PPP1R12C: variants seen among roughly 807,000 people sequenced by gnomAD.
PPP1R12C encodes the protein protein phosphatase 1 regulatory subunit 12C.
A neutral mutation model predicts 95.6 loss-of-function variants in PPP1R12C; 48 were observed. The ratio of observed to expected loss-of-function variants is 0.50; its 90% CI spans 0.40 to 0.64. The LOEUF (loss-of-function observed/expected upper bound fraction) is 0.64, where lower values mean the gene tolerates loss of function less well. PPP1R12C is among the 30% of genes least tolerant of loss of function. PPP1R12C has a pLI of 0.00. For synonymous variants in PPP1R12C, 480 were observed against 460.8 expected (o/e 1.04, Z -0.53); for missense variants, 1,057 against 1,083.3 (o/e 0.98, Z 0.34).
At chr19:55,111,642 G>C (rs1051943799) in intron 3 of PPP1R12C, 1 of 151,946 alleles carries the variant, frequency 6.6e-6, no homozygotes, top group Non-Finnish European at 1.5e-5. Context: ...GCCCCGTCAG[G>C]ACAGCCGCGT....
At chr19:55,094,890 T>C in intron 11 of PPP1R12C, 92 bp from the exon 12 acceptor site, 1 of 1,406,606 alleles carries the variant, frequency 7.1e-7, no homozygotes, top group Non-Finnish European at 9.7e-7. Context: ...ACAAATTATC[T>C]GGGCCACAAC....
At chr19:55,100,780 T>C (rs2084971694) in intron 4 of PPP1R12C, among the ~76,000 whole-genome samples, 1 of 151,868 alleles carries the variant, frequency 6.6e-6, no homozygotes, top group Non-Finnish European at 1.5e-5. Context: ...GCCCAGCTAA[T>C]TTTTTGTATT....
chr19:55,103,353 A>C, intron 4 of PPP1R12C, 56 bp downstream of exon 4: 1 of 1,352,044 alleles, frequency 7.4e-7, no homozygotes, highest in Non-Finnish European at 9.7e-7. Context: ...AAGGGAAAGG[A>C]CAAGATCCAC....
At chr19:55,113,387 C>T (rs754976448) in intron 1 of PPP1R12C, 3 of 1,463,190 alleles carry the variant, frequency 2.1e-6, no homozygotes, top group Non-Finnish European at 1.8e-6. Flanking sequence ...GAGACAGCTG[C>T]ACACCTGTGT....
intron 16 of PPP1R12C, 29 bp downstream of exon 16, chr19:55,092,754 A>C (rs1174164706): frequency 9.1e-6 from 14 of 1,536,180 alleles, no homozygotes; most frequent in African/African-American, 1.4e-5. Context: ...CACCCTCTGC[A>C]CCAGCTCGGC....
Position 55,091,634 on chromosome 19 carries a change from C to T in PPP1R12C, c.2262+16G>A. 6.2e-7 allele frequency: 1 copy of T among 1,607,302 alleles called. No homozygotes were observed. The highest frequency in any genetic ancestry group is 1.3e-5 in the African/African-American group (1 of 74,888). On this transcript the variant is annotated intron_variant, in intron 21 of 21. Transcript: ENST00000263433. ...CCCACCCTCGGCCCTCTGCCCACAG[C>T]CCCCACAGCCCCCACCTTCAGCTCC...
At chr19:55,096,436 C>T in intron 6 of PPP1R12C, 101 bp from the exon 7 acceptor site, 1 of 1,384,426 alleles carries the variant, frequency 7.2e-7, no homozygotes, top group Non-Finnish European at 1.0e-6. Flanking sequence ...CCCAGGCGGG[C>T]ACCGAGGGCT....
At chr19:55,094,509 G>A in intron 12 of PPP1R12C, 74 bp from the exon 13 acceptor site, 1 of 1,599,156 alleles carries the variant, frequency 6.3e-7, no homozygotes, top group Non-Finnish European at 8.5e-7. Flanking sequence ...ACCCTCCGCG[G>A]GAAGCAAGTT....
At chr19:55,098,708 C>A in intron 6 of PPP1R12C, 76 bp downstream of exon 6, 1 of 1,558,570 alleles carries the variant, frequency 6.4e-7, no homozygotes, top group South Asian at 1.1e-5. Flanking sequence ...CGGGGGGGTT[C>A]CCCCTCTGCA....
chr19:55,099,852 C>G (rs574092182), intron 4 of PPP1R12C, among the ~76,000 whole-genome samples: 1 of 152,232 alleles, frequency 6.6e-6, no homozygotes, highest in Non-Finnish European at 1.5e-5. Flanking sequence ...CTCAGCTTAA[C>G]GGTAGGACGT....
intron 4 of PPP1R12C, among the ~76,000 whole-genome samples, chr19:55,101,284 C>T (rs1474119026): frequency 6.6e-6 from 1 of 152,154 alleles, no homozygotes; most frequent in Non-Finnish European, 1.5e-5. Flanking sequence ...GTCAGTAGGT[C>T]TGAGTGTAAA....
rs770735177 is a variant in PPP1R12C at position 55,094,330 on chromosome 19, C to G, written c.1683+15G>C. ...CCCTCAGACCCAGGAGTCCAGACCC[C>G]AGCCCACCCCACACCTGTGTGGACC... On this transcript the variant is annotated intron_variant, in intron 13 of 21. Coordinates refer to ENST00000263433, the MANE Select transcript of PPP1R12C (RefSeq NM_017607.4). 20 of 1,607,366 alleles carry G rather than the reference C, an allele frequency of 1.2e-5. 3 individuals are homozygous for G. Among genetic ancestry groups the G allele is most frequent in the Non-Finnish European group, 1.6e-5 (19 of 1,177,932 alleles).
chr19:55,092,001 C>G, intron 19 of PPP1R12C, 92 bp from the exon 20 acceptor site: 1 of 1,492,332 alleles, frequency 6.7e-7, no homozygotes, highest in Non-Finnish European at 9.3e-7. Context: ...CGCCCGCCCA[C>G]TAGGCAGCCC....
In PPP1R12C at chr19:55,117,511, C is replaced by G; in HGVS notation, c.33G>C (p.Pro11=). MSGEDGPAAG[P]GAAAAAARER... ...CCCGGGCAGCCGCCGCCGCCGCCCC[C>G]GGGCCAGCCGCCGGGCCATCCTCTC... The change falls in exon 1 of 22, where the codon CCG becomes CCC. Residue 11 remains proline, a synonymous_variant. Coordinates refer to ENST00000263433, the MANE Select transcript of PPP1R12C (RefSeq NM_017607.4). 1.9e-6 allele frequency: 2 copies of G among 1,026,584 alleles called. No individual in the cohort carries two copies. Among genetic ancestry groups the G allele is most frequent in the Admixed American group, 5.1e-5 (1 of 19,446 alleles). The allele number at this position is 1,026,584 out of a possible 1,614,324, so 63.6% of individuals were successfully genotyped here.
chr19:55,105,149 T>A (rs1223204151), intron 3 of PPP1R12C, among the ~76,000 whole-genome samples: 1 of 151,280 alleles, frequency 6.6e-6, no homozygotes, highest in African/African-American at 2.4e-5. Flanking sequence ...CACTGAAGCC[T>A]CAAATTCCCA....
intron 5 of PPP1R12C, 43 bp downstream of exon 5, chr19:55,098,908 T>G: frequency 6.2e-7 from 1 of 1,609,002 alleles, no homozygotes; most frequent in Non-Finnish European, 8.5e-7. Flanking sequence ...TGCTGGGCCC[T>G]CCCCACGCCC....
rs1466506037 is a variant in PPP1R12C at position 55,091,264 on chromosome 19, C to T, written c.*208G>A. 2 of 595,430 alleles carry T rather than the reference C, an allele frequency of 3.4e-6. No individual in the cohort carries two copies. Among genetic ancestry groups the T allele is most frequent in the Non-Finnish European group, 3.0e-6 (1 of 335,858 alleles). 36.9% of individuals were successfully genotyped at this position (595,430 alleles called of 1,614,324 possible). A position where few individuals can be genotyped will look rare whatever the true frequency, so the allele number is the denominator to read the frequency against. The stretch of plus-strand genomic sequence containing the variant: ...GGTCCCCTCTGGCAACGTCCCCCTG[C>T]TTGGCTCGGCCTCCCACCTCCATCC... On this transcript the variant is annotated 3_prime_UTR_variant, in exon 22 of 22. Transcript: ENST00000263433.
Position 55,109,501 on chromosome 19 carries a change from G to C in PPP1R12C, c.571+2966C>G, listed in dbSNP as rs756441413. ...AGTCGACTGGGCCAGAGGACTTTGC[G>C]GTGTTGGAGGGAGCGGTGGCTCCAG... On this transcript the variant is annotated intron_variant, in intron 3 of 21. Transcript: ENST00000263433. The surrounding 1 kb of genome is among the most constrained non-coding windows in gnomAD (Gnocchi z 4.4). Among the ~76,000 whole-genome samples the C allele has an allele frequency of 2.0e-5, 3 of 152,254 alleles. No individual in the cohort carries two copies. The highest frequency in any genetic ancestry group is 2.9e-5 in the Non-Finnish European group (2 of 68,040).
chr19:55,100,440 T>C (rs1303110721), intron 4 of PPP1R12C, among the ~76,000 whole-genome samples: 1 of 152,226 alleles, frequency 6.6e-6, no homozygotes, highest in Non-Finnish European at 1.5e-5. Flanking sequence ...AAAATGTCTG[T>C]CTCCCCACGA....
Sources: gnomAD v4.1 joint callset for allele counts (sites outside exome capture counted in the v4.1 genomes callset) on GRCh38, gnomAD v4.1.1 for gene constraint, Gnocchi (gnomAD v3.1) non-coding constraint, MANE v1.5 for transcripts, NCBI Gene and HGNC (gene_info 2026-07-23, HGNC 2026-07-21) for gene names.